GRID2: variants seen among roughly 807,000 people sequenced by gnomAD.
GRID2 encodes the protein glutamate receptor ionotropic, delta-2.
GRID2 carries 33 observed loss-of-function variants against 114.8 expected under a neutral mutation model. The observed-to-expected ratio is 0.29, with a 90% CI of 0.22 to 0.38. GRID2 has a LOEUF of 0.38. Among genes scored for constraint, GRID2 ranks in the 10% least tolerant of loss-of-function variants. The probability of loss-of-function intolerance (pLI) is 1.00; values close to 1 mark genes in which losing one functional copy is unlikely to be tolerated. For synonymous variants in GRID2, 505 were observed against 449.9 expected (o/e 1.12, Z -1.55); for missense variants, 1,184 against 1,257.7 (o/e 0.94, Z 0.89).
chr4:92,502,705 CTTTTTTTTTTTTT>C (rs70940901), intron 1 of GRID2, among the ~76,000 whole-genome samples: 8 of 63,936 alleles, frequency 1.3e-4, no homozygotes, highest in Middle Eastern at 0.016. Context: ...CATGTGATTT[CTTTTTTTTTTTTT>C]TTTTTTTTTT....
intron 1 of GRID2, among the ~76,000 whole-genome samples, chr4:92,528,292 A>G (rs1009563361): frequency 1.4e-5 from 2 of 145,970 alleles, no homozygotes; most frequent in African/African-American, 2.6e-5. Context: ...ATATATATAT[A>G]TTTTGAGTAT....
chr4:93,406,758 C>T (rs772624150), intron 9 of GRID2, among the ~76,000 whole-genome samples: 42 of 152,050 alleles, frequency 2.8e-4, no homozygotes, highest in Non-Finnish European at 5.1e-4. Context: ...ACACACCTTG[C>T]TATTTCTGTG....
intron 1 of GRID2, among the ~76,000 whole-genome samples, chr4:92,508,484 G>A (rs1447414962): frequency 6.6e-6 from 1 of 151,936 alleles, no homozygotes; most frequent in Non-Finnish European, 1.5e-5. Context: ...TTTTAGGAAG[G>A]GAGGTCATGG....
chr4:92,353,244 G>A (rs927162638), intron 1 of GRID2, among the ~76,000 whole-genome samples: 1 of 150,164 alleles, frequency 6.7e-6, no homozygotes, highest in African/African-American at 2.4e-5. Flanking sequence ...TCTCTTTATT[G>A]CTTTATCAAT....
intron 3 of GRID2, among the ~76,000 whole-genome samples, chr4:93,109,273 C>A (rs1203560941): frequency 6.6e-6 from 1 of 151,964 alleles, no homozygotes; most frequent in African/African-American, 2.4e-5. Context: ...CTGAGTTTAC[C>A]ACATAATTAA....
intron 4 of GRID2, among the ~76,000 whole-genome samples, chr4:93,128,027 CAAAAAAA>C (rs1008311457): frequency 9.8e-5 from 2 of 20,340 alleles, no homozygotes; most frequent in Admixed American, 7.9e-4. Flanking sequence ...TCCCCCGCAA[CAAAAAAA>C]AAAAAAAAAA....
intron 12 of GRID2, among the ~76,000 whole-genome samples, chr4:93,512,738 T>C (rs1301802183): frequency 1.3e-5 from 2 of 152,182 alleles, no homozygotes; most frequent in African/African-American, 2.4e-5. Flanking sequence ...ATGGGCAATA[T>C]ATTAAGATAT....
At chr4:92,994,103 G>T (rs1222125778) in intron 2 of GRID2, among the ~76,000 whole-genome samples, 3 of 152,190 alleles carry the variant, frequency 2.0e-5, no homozygotes, top group East Asian at 3.9e-4. Context: ...TTTGCAGTTT[G>T]AAGGACATGG....
At chr4:93,506,103 G>T (rs1317104564) in intron 12 of GRID2, among the ~76,000 whole-genome samples, 1 of 152,184 alleles carries the variant, frequency 6.6e-6, no homozygotes, top group African/African-American at 2.4e-5. Context: ...GGAAAGTGCA[G>T]ATCTTTTTAA....
intron 13 of GRID2, among the ~76,000 whole-genome samples, chr4:93,596,434 T>C (rs777699105): frequency 6.6e-6 from 1 of 151,926 alleles, no homozygotes; most frequent in Non-Finnish European, 1.5e-5. Flanking sequence ...AAAAATTAGC[T>C]GGGCATGGTG....
chr4:93,481,229 G>A (rs2149446920), intron 11 of GRID2, among the ~76,000 whole-genome samples: 1 of 152,114 alleles, frequency 6.6e-6, no homozygotes, highest in Middle Eastern at 3.4e-3. Flanking sequence ...AATTTCCTAT[G>A]TCAAGTTATT....
chr4:93,719,634 C>T (rs143030665), intron 14 of GRID2, among the ~76,000 whole-genome samples: 21 of 152,238 alleles, frequency 1.4e-4, no homozygotes, highest in Middle Eastern at 3.4e-3. Flanking sequence ...ATGATGAAAT[C>T]TATAGTTTTA....
At chr4:93,120,534 G>A (rs1449727770) in intron 4 of GRID2, among the ~76,000 whole-genome samples, 1 of 152,156 alleles carries the variant, frequency 6.6e-6, no homozygotes, top group Non-Finnish European at 1.5e-5. Context: ...TCATAAGTGG[G>A]AGTTGAATAA....
At chr4:92,436,457 T>C (rs1732738104) in intron 1 of GRID2, among the ~76,000 whole-genome samples, 1 of 152,150 alleles carries the variant, frequency 6.6e-6, no homozygotes, top group Non-Finnish European at 1.5e-5. Flanking sequence ...TTTCTGGGCA[T>C]CTGATTTTAT....
chr4:93,174,051 A>G (rs1001798755), intron 4 of GRID2, among the ~76,000 whole-genome samples: 2 of 152,164 alleles, frequency 1.3e-5, no homozygotes, highest in African/African-American at 4.8e-5. Context: ...TTACATAACA[A>G]GAGCACAATA....
chr4:92,384,601 A>ATGTTATATATT, intron 1 of GRID2, among the ~76,000 whole-genome samples: 12 of 51,760 alleles, frequency 2.3e-4, no homozygotes, highest in African/African-American at 6.8e-4. Context: ...TATATAACAT[A>ATGTTATATATT]ATATATAATA....
At chr4:93,734,451 C>A (rs1386684334) in intron 14 of GRID2, among the ~76,000 whole-genome samples, 1 of 151,952 alleles carries the variant, frequency 6.6e-6, no homozygotes, top group African/African-American at 2.4e-5. Context: ...TTTGGTTTCC[C>A]TTATTGAAAT....
At chr4:93,055,477 A>T (rs1727136952) in intron 2 of GRID2, among the ~76,000 whole-genome samples, 1 of 152,000 alleles carries the variant, frequency 6.6e-6, no homozygotes, top group Non-Finnish European at 1.5e-5. Flanking sequence ...TATGTAACTA[A>T]CCTGCACATT....
intron 2 of GRID2, among the ~76,000 whole-genome samples, chr4:92,821,110 A>G (rs925144492): frequency 6.6e-6 from 1 of 152,178 alleles, no homozygotes; most frequent in African/African-American, 2.4e-5. Context: ...ATTTAGGTAT[A>G]CTCCAAAAGT....
Sources: gnomAD v4.1 joint callset for allele counts (sites outside exome capture counted in the v4.1 genomes callset) on GRCh38, gnomAD v4.1.1 for gene constraint, MANE v1.5 for transcripts, NCBI Gene and HGNC (gene_info 2026-07-23, HGNC 2026-07-21) for gene names.